GPM6B: variants seen among roughly 807,000 people sequenced by gnomAD.
GPM6B encodes the protein neuronal membrane glycoprotein M6-b.
In GPM6B, 4 loss-of-function variants were observed where a neutral mutation model predicts 27.2. That is an observed-to-expected ratio of 0.15 (90% CI 0.07 to 0.34). The LOEUF is 0.34. Ranked by LOEUF, GPM6B falls within the 10% of genes least tolerant of loss-of-function variation. GPM6B has a pLI of 1.00. For missense variants in GPM6B, 183 were observed against 261.9 expected (o/e 0.70, Z 2.08); for synonymous variants, 124 against 103.1 (o/e 1.20, Z -1.23).
chrX:13,817,204 G>C (rs896935250), upstream of GPM6B: 2 of 869,234 alleles, frequency 2.3e-6, no homozygotes, highest in Non-Finnish European at 2.8e-6. Context: ...GTCTCAATGC[G>C]GCTCCAGTGG....
chrX:13,838,136 A>G (rs1160762195), intron 1 of GPM6B, among the ~76,000 whole-genome samples: 1 of 108,168 alleles, frequency 9.2e-6, no homozygotes, highest in Non-Finnish European at 1.9e-5. Flanking sequence ...AAAAAAAGAA[A>G]AAAAAAAAAA....
chrX:13,821,816 A>T (rs1393097653), upstream of GPM6B, among the ~76,000 whole-genome samples: 2 of 110,739 alleles, frequency 1.8e-5, no homozygotes, highest in Non-Finnish European at 3.8e-5. Context: ...GCTGGTCTTG[A>T]GCTCCTGACC....
chrX:13,902,685 G>A (rs748432714), intron 1 of GPM6B, among the ~76,000 whole-genome samples: 5 of 111,075 alleles, frequency 4.5e-5, no homozygotes, highest in East Asian at 2.8e-4. Context: ...TCTCCTACCC[G>A]GTCAGGGCTC....
At chrX:13,826,563 C>CATACATACATACAT (rs1569239981) in intron 1 of GPM6B, among the ~76,000 whole-genome samples, 30 of 67,999 alleles carry the variant, frequency 4.4e-4, no homozygotes, top group African/African-American at 1.1e-3. Flanking sequence ...CATACATACA[C>CATACATACATACAT]ACATACATAC....
intron 7 of GPM6B, chrX:13,774,387 G>GT: frequency 9.4e-7 from 1 of 1,065,166 alleles, no homozygotes; most frequent in Non-Finnish European, 1.2e-6. Flanking sequence ...TTCATGTACA[G>GT]TAAGTCATCT....
At chrX:13,819,312 T>C (rs2049282322), upstream of GPM6B, among the ~76,000 whole-genome samples, 2 of 112,373 alleles carry the variant, frequency 1.8e-5, no homozygotes, top group Admixed American at 1.9e-4. Flanking sequence ...TGATAAACCA[T>C]TTGAAAAACA....
At position 13,896,011 on chromosome X, in the gene GPM6B, C is replaced by T. The variant is rs778119737; in HGVS notation, c.-198+42316G>A. On this transcript the variant is annotated intron_variant, in intron 1 of 6. Transcript: ENST00000398361. ...CTTTTTTTTTTTTTTTTTAATTAAC[C>T]GTGTGTGGTGGCATACACTTGTAGT... Among the ~76,000 whole-genome samples the T allele has an allele frequency of 2.2e-4, 21 of 96,673 alleles. No homozygotes were observed. In the South Asian group the frequency reaches 9.5e-3, roughly 44 times the overall value. The allele number at this position is 96,673 out of a possible 115,157, so 83.9% of individuals were successfully genotyped here.
chrX:13,800,080 A>C (rs2048893007), intron 2 of GPM6B, among the ~76,000 whole-genome samples: 2 of 111,755 alleles, frequency 1.8e-5, no homozygotes, highest in Admixed American at 1.9e-4. Context: ...TCCTGTTAGC[A>C]TTGTCTCTCT....
rs144800432 is a variant in GPM6B at position 13,834,771 on chromosome X, T to G, written c.-197-48963A>C. ...TCTCAACCTGAGATCCCACTCATTC[T>G]CAGGAAAGCTTCTCAGTGGAAGGCA... On this transcript the variant is annotated intron_variant, in intron 1 of 6. Transcript: ENST00000398361. 6.9e-3 allele frequency among the ~76,000 whole-genome samples: 778 copies of G among 112,146 alleles called. 5 individuals are homozygous for G. The highest frequency in any genetic ancestry group is 0.014 in the Middle Eastern group (3 of 217).
chrX:13,813,970 G>A (rs1306029230), intron 1 of GPM6B, among the ~76,000 whole-genome samples: 1 of 112,196 alleles, frequency 8.9e-6, no homozygotes, highest in Non-Finnish European at 1.9e-5. Context: ...CTGGTAGCAT[G>A]CTGTGATGAA....
At position 13,854,398 on chromosome X, in the gene GPM6B, A is replaced by G. The variant is rs776696418; in HGVS notation, c.-197-68590T>C. The stretch of plus-strand genomic sequence containing the variant: ...TACTAGCTCAGAGAGAAAGCTGACA[A>G]GAGAAGAGATGGCTTTTGGCTTAGA... On this transcript the variant is annotated intron_variant, in intron 1 of 6. Coordinates refer to the GPM6B transcript ENST00000398361. Among the ~76,000 whole-genome samples, 5 of 112,349 alleles carry G rather than the reference A, an allele frequency of 4.5e-5. No homozygotes were observed. The East Asian group carries it at 1.1e-3, about 25-fold the overall frequency.
intron 1 of GPM6B, among the ~76,000 whole-genome samples, chrX:13,824,426 G>C (rs1268859659): frequency 1.8e-5 from 2 of 112,064 alleles, no homozygotes; most frequent in African/African-American, 6.5e-5. Context: ...TGACAGATGG[G>C]GTTGTGTGGT....
At chrX:13,858,053 T>C (rs948076378) in intron 1 of GPM6B, among the ~76,000 whole-genome samples, 6 of 112,471 alleles carry the variant, frequency 5.3e-5, no homozygotes, top group Non-Finnish European at 1.1e-4. Context: ...TGTGTATATA[T>C]CAGACAAGTT....
chrX:13,830,045 C>T (rs1385200623), intron 1 of GPM6B, among the ~76,000 whole-genome samples: 1 of 110,692 alleles, frequency 9.0e-6, no homozygotes, highest in Non-Finnish European at 1.9e-5. Flanking sequence ...ATCTTCGAAC[C>T]TGTGTTTTCA....
At chrX:13,830,769 G>T (rs925008805) in intron 1 of GPM6B, among the ~76,000 whole-genome samples, 2 of 112,040 alleles carry the variant, frequency 1.8e-5, no homozygotes, top group Non-Finnish European at 3.8e-5. Context: ...TTGACAAATC[G>T]AGAGAGAAAC....
chrX:13,804,426 CG>C (rs1246725890), intron 2 of GPM6B, among the ~76,000 whole-genome samples: 1 of 3,715 alleles, frequency 2.7e-4, no homozygotes, highest in African/African-American at 5.2e-4. Flanking sequence ...GCGGGGGGGG[CG>C]GGGGGCGGGG....
At chrX:13,880,398 G>A (rs1235754194) in intron 1 of GPM6B, among the ~76,000 whole-genome samples, 1 of 111,109 alleles carries the variant, frequency 9.0e-6, no homozygotes, top group Non-Finnish European at 1.9e-5. Context: ...AAATCAGGCC[G>A]GGCGCGGTGG....
At chrX:13,818,375 G>A (rs1261307745), upstream of GPM6B, among the ~76,000 whole-genome samples, 2 of 111,106 alleles carry the variant, frequency 1.8e-5, no homozygotes, top group African/African-American at 6.6e-5. Context: ...AAGTTTTGAT[G>A]GTTTCTTGCT....
chrX:13,877,657 A>G (rs2050047879), intron 1 of GPM6B, among the ~76,000 whole-genome samples: 1 of 93,781 alleles, frequency 1.1e-5, no homozygotes, highest in Non-Finnish European at 2.0e-5. Context: ...TCCCATCTTT[A>G]CAAAAAAAAC....
Sources: gnomAD v4.1 joint callset for allele counts (sites outside exome capture counted in the v4.1 genomes callset) on GRCh38, gnomAD v4.1.1 for gene constraint, MANE v1.5 for transcripts, NCBI Gene and HGNC (gene_info 2026-07-23, HGNC 2026-07-21) for gene names.